Variants in TBC1D31 observed in about 807,000 individuals in gnomAD.
The protein encoded by TBC1D31 is TBC1 domain family member 31, also known as WD repeat domain 67.
A neutral mutation model predicts 132.9 loss-of-function variants in TBC1D31; 99 were observed. The observed-to-expected ratio is 0.74, with a 90% CI of 0.63 to 0.88. The LOEUF (loss-of-function observed/expected upper bound fraction) is 0.88, where lower values mean the gene tolerates loss of function less well. TBC1D31 is among the 40% of genes least tolerant of loss of function. TBC1D31 has a pLI of 0.00. For missense variants in TBC1D31, 1,134 were observed against 1,256.6 expected (o/e 0.90, Z 1.48); for synonymous variants, 385 against 419.4 (o/e 0.92, Z 1.00).
At chr8:123,158,364 C>T in the TBC1D31 span, among the ~76,000 whole-genome samples, 1 of 152,104 alleles carries the variant, frequency 6.6e-6, no homozygotes. Context: ...ATTTATACGG[C>T]GTTTATACGG....
intron 10 of TBC1D31, among the ~76,000 whole-genome samples, chr8:123,119,156 G>A (rs978673974): frequency 1.2e-4 from 18 of 152,154 alleles, no homozygotes; most frequent in Non-Finnish European, 2.4e-4. Flanking sequence ...ATAATATGCG[G>A]CCAAGAGTAT....
Position 123,096,318 on chromosome 8 carries a change from A to T in TBC1D31, c.672-964A>T, listed in dbSNP as rs114870539. The stretch of plus-strand genomic sequence containing the variant: ...TAGCCACATCCGAGTATAGCAGTGT[A>T]CTTTCATATGGCAATGCACTTGAGT... On this transcript the variant is annotated intron_variant, in intron 5 of 21. Coordinates refer to ENST00000287380, the MANE Select transcript of TBC1D31 (RefSeq NM_145647.4). Among the ~76,000 whole-genome samples, 1,331 of 151,938 alleles carry T rather than the reference A, an allele frequency of 8.8e-3. 19 individuals are homozygous for T. Among genetic ancestry groups the T allele is most frequent in the African/African-American group, 0.03 (1,226 of 41,414 alleles).
the TBC1D31 span, among the ~76,000 whole-genome samples, chr8:123,162,304 C>CTGTGTGTGTGTGTGTG: frequency 1.3e-5 from 2 of 150,314 alleles, no homozygotes; most frequent in Non-Finnish European, 3.0e-5. Context: ...GAAAGTGTAT[C>CTGTGTGTGTGTGTGTG]TGTGTGTGTG....
intron 14 of TBC1D31, 73 bp from the exon 15 acceptor site, chr8:123,128,993 C>G: frequency 1.0e-6 from 1 of 970,712 alleles, no homozygotes; most frequent in Non-Finnish European, 1.5e-6. Context: ...ATACATTAAT[C>G]GGTATACATT....
chr8:123,115,772 C>T (rs979769669), intron 10 of TBC1D31, among the ~76,000 whole-genome samples: 2 of 152,156 alleles, frequency 1.3e-5, no homozygotes, highest in Admixed American at 6.5e-5. Context: ...TCGTATCTCC[C>T]TCTGACCGCA....
intron 20 of TBC1D31, among the ~76,000 whole-genome samples, chr8:123,145,933 C>T (rs1389287215): frequency 4.1e-5 from 6 of 145,234 alleles, no homozygotes; most frequent in South Asian, 4.3e-4. Context: ...TGCAGTGGTG[C>T]GATCTCAGCT....
Position 123,128,286 on chromosome 8 carries a change from T to C in TBC1D31, c.1890T>C (p.Phe630=). ...SCNLKDDFEF[F]FHHRNNLDIN... ...AACACCAAGTTTTCTTACAGTTTTTTTTTCACCATCGGAATAACCTGGATA... is the reference window on the plus strand; with the variant it reads ...AACACCAAGTTTTCTTACAGTTTTTCTTTCACCATCGGAATAACCTGGATA... The change falls in exon 14 of 22, where the codon TTT becomes TTC. Residue 630 remains phenylalanine, a synonymous_variant. Transcript: ENST00000287380. 1 of 1,581,852 alleles carries C rather than the reference T, an allele frequency of 6.3e-7. No individual in the cohort carries two copies. Among genetic ancestry groups the C allele is most frequent in the Non-Finnish European group, 8.7e-7 (1 of 1,156,046 alleles).
chr8:123,157,742 C>CACACACACA, the TBC1D31 span, among the ~76,000 whole-genome samples: 1 of 149,572 alleles, frequency 6.7e-6, no homozygotes, highest in Non-Finnish European at 1.5e-5. Context: ...CACACACACA[C>CACACACACA]CCGCTGTTAC....
chr8:123,115,476 C>A (rs76918729), intron 10 of TBC1D31, among the ~76,000 whole-genome samples: 3,865 of 152,236 alleles, frequency 0.025, 163 homozygotes, highest in African/African-American at 0.088. Context: ...AGCTTATTAA[C>A]TCCATTAACT....
At chr8:123,163,364 C>CTTTTTTTTT in the TBC1D31 span, among the ~76,000 whole-genome samples, 5 of 110,070 alleles carry the variant, frequency 4.5e-5, 1 homozygote, top group Admixed American at 1.1e-4. Flanking sequence ...TCACTTTAAC[C>CTTTTTTTTT]TTTTTTTTTT....
rs1260764059 is a variant in TBC1D31 at position 123,082,687 on chromosome 8, A to G, written c.225-15A>G. ...TGGAAGAATTTGTGATACTAATGCAATGATCTCTTAATAGGTTCAATCTTG... is the reference window on the plus strand; with the variant it reads ...TGGAAGAATTTGTGATACTAATGCAGTGATCTCTTAATAGGTTCAATCTTG... On this transcript the variant is annotated splice_polypyrimidine_tract_variant and intron_variant, in intron 2 of 21. Transcript: ENST00000287380. The G allele has an allele frequency of 1.3e-6, 2 of 1,558,666 alleles. No homozygotes were observed. Among genetic ancestry groups the G allele is most frequent in the South Asian group, 2.3e-5 (2 of 87,724 alleles).
chr8:123,150,118 C>T lies in TBC1D31; in HGVS notation c.3057C>T (p.Pro1019=). 1 of 1,611,700 alleles carries T rather than the reference C, an allele frequency of 6.2e-7. No individual in the cohort carries two copies. Among genetic ancestry groups the T allele is most frequent in the Non-Finnish European group, 8.5e-7 (1 of 1,177,854 alleles). ...SQLNDSSEMD[P]STQISLNRRA... The stretch of plus-strand genomic sequence containing the variant: ...TAAATGACTCTTCTGAAATGGATCC[C>T]TCAACACAGAGTAAGTTGATAAGCA... The change falls in exon 21 of 22, where the codon CCC becomes CCT. Residue 1019 remains proline, a synonymous_variant. Coordinates refer to ENST00000287380, the MANE Select transcript of TBC1D31 (RefSeq NM_145647.4).
intron 11 of TBC1D31, among the ~76,000 whole-genome samples, chr8:123,120,984 C>T (rs1433373513): frequency 4.5e-5 from 6 of 133,722 alleles, no homozygotes; most frequent in African/African-American, 8.4e-5. Flanking sequence ...TTTTTTGAGA[C>T]GGGAGTCTCA....
intron 11 of TBC1D31, among the ~76,000 whole-genome samples, chr8:123,124,496 A>G (rs1819833462): frequency 6.6e-6 from 1 of 152,182 alleles, no homozygotes; most frequent in African/African-American, 2.4e-5. Context: ...TCCTCTTGCT[A>G]AGGAAAAACA....
At chr8:123,118,178 G>A (rs908174287) in intron 10 of TBC1D31, among the ~76,000 whole-genome samples, 1 of 152,150 alleles carries the variant, frequency 6.6e-6, no homozygotes, top group African/African-American at 2.4e-5. Context: ...TGAATCTGGG[G>A]TTGGTGAAAT....
intron 16 of TBC1D31, among the ~76,000 whole-genome samples, chr8:123,133,099 C>G (rs1468884458): frequency 6.6e-6 from 1 of 152,242 alleles, no homozygotes; most frequent in African/African-American, 2.4e-5. Context: ...ATGGTTCAGA[C>G]TCTAGCAGGA....
chr8:123,085,037 G>T (rs1486778854), intron 4 of TBC1D31, among the ~76,000 whole-genome samples: 1 of 152,030 alleles, frequency 6.6e-6, no homozygotes, highest in East Asian at 1.9e-4. Flanking sequence ...CAATCCTCTT[G>T]CCTCGGCCTC....
chr8:123,141,461 G>A (rs1334805341), intron 18 of TBC1D31, among the ~76,000 whole-genome samples: 17 of 97,792 alleles, frequency 1.7e-4, no homozygotes, highest in African/African-American at 4.2e-5. Context: ...TTTCCAAGAT[G>A]TATTTCAGAG....
chr8:123,102,103 G>C (rs995796283), intron 7 of TBC1D31: 2 of 377,342 alleles, frequency 5.3e-6, no homozygotes, highest in Admixed American at 3.1e-5. Context: ...GAAAATGCAT[G>C]CCTCACTTCT....
Sources: gnomAD v4.1 joint callset for allele counts (sites outside exome capture counted in the v4.1 genomes callset) on GRCh38, gnomAD v4.1.1 for gene constraint, MANE v1.5 for transcripts, NCBI Gene and HGNC (gene_info 2026-07-23, HGNC 2026-07-21) for gene names.